MEIG1: variants seen among roughly 807,000 people sequenced by gnomAD.
The protein encoded by MEIG1 is meiosis expressed gene 1 protein homolog.
A neutral mutation model predicts 11.3 loss-of-function variants in MEIG1; 12 were observed. The ratio of observed to expected loss-of-function variants is 1.07; its 90% confidence interval spans 0.68 to 1.73. The LOEUF is 1.73. MEIG1 is among the 40% of genes most tolerant of loss of function. MEIG1 has a pLI of 0.00. For synonymous variants in MEIG1, 41 were observed against 33.2 expected, an observed-to-expected ratio of 1.24 and a Z score of -0.81; for missense variants, 119 against 104.9, an observed-to-expected ratio of 1.13 and a Z score of -0.59.
downstream of MEIG1, among the ~76,000 whole-genome samples, chr10:14,975,557 C>T (rs981311924): frequency 1.8e-4 from 27 of 151,548 alleles, no homozygotes; most frequent in African/African-American, 6.1e-4. Flanking sequence ...CCCCCCATAC[C>T]GCAGGAGGTG....
At chr10:14,958,851 G>A (rs1842977536), upstream of MEIG1, among the ~76,000 whole-genome samples, 1 of 151,916 alleles carries the variant, frequency 6.6e-6, no homozygotes. Context: ...AGCCGAGATA[G>A]CACCACTGCA....
chr10:14,957,570 C>G (rs992065103), upstream of MEIG1, among the ~76,000 whole-genome samples: 1 of 152,224 alleles, frequency 6.6e-6, no homozygotes, highest in African/African-American at 2.4e-5. Context: ...GGTTTTCACT[C>G]TCCATAAGAT....
At chr10:14,961,525 C>T (rs530172693) in intron 1 of MEIG1, among the ~76,000 whole-genome samples, 2 of 152,114 alleles carry the variant, frequency 1.3e-5, no homozygotes, top group African/African-American at 4.8e-5. Flanking sequence ...GGCTGGAGTG[C>T]AGTGGTGCGA....
Position 14,972,540 on chromosome 10 carries a change from G to GA in MEIG1, c.166_167insA (p.Val56AspfsTer21). On this transcript the variant is annotated frameshift_variant, in exon 3 of 3. Coordinates refer to ENST00000407572, the MANE Select transcript of MEIG1 (RefSeq NM_001080836.3). LOFTEE classifies it high-confidence loss of function. The stretch of plus-strand genomic sequence containing the variant: ...AGATCGTTGGCCGGAGACAGGATAT[G>GA]TGAAGAAACTTCAGAGAAGGGACAA... 6.2e-7 allele frequency: 1 copy of GA among 1,614,110 alleles called. No homozygotes were observed. Among genetic ancestry groups the GA allele is most frequent in the Non-Finnish European group, 8.5e-7 (1 of 1,179,976 alleles).
At chr10:14,977,459 G>A (rs554758052), downstream of MEIG1, among the ~76,000 whole-genome samples, 17 of 152,082 alleles carry the variant, frequency 1.1e-4, no homozygotes, top group African/African-American at 3.1e-4. Flanking sequence ...GATGTACACC[G>A]TGTGATATTG....
chr10:14,962,529 T>C (rs1335616359), intron 1 of MEIG1, among the ~76,000 whole-genome samples: 1 of 152,256 alleles, frequency 6.6e-6, no homozygotes, highest in Non-Finnish European at 1.5e-5. Flanking sequence ...CTATTAAATG[T>C]AGCATTTTTA....
At chr10:14,971,218 T>TAAA (rs1843145636) in intron 2 of MEIG1, among the ~76,000 whole-genome samples, 1 of 147,800 alleles carries the variant, frequency 6.8e-6, no homozygotes, top group African/African-American at 2.5e-5. Context: ...ATAATAATGA[T>TAAA]AATAATAATA....
intron 1 of MEIG1, among the ~76,000 whole-genome samples, chr10:14,963,052 G>T (rs1248379526): frequency 1.3e-5 from 2 of 150,368 alleles, no homozygotes; most frequent in South Asian, 4.2e-4. Flanking sequence ...GTGAGCCACC[G>T]TCCTGTCCTG....
At chr10:14,975,692 A>G (rs1231994697), downstream of MEIG1, among the ~76,000 whole-genome samples, 3 of 151,994 alleles carry the variant, frequency 2.0e-5, no homozygotes, top group South Asian at 2.1e-4. Context: ...GGGAGAGGAT[A>G]ACCCTACTCC....
At chr10:14,973,469 T>A (rs1027889817), downstream of MEIG1, among the ~76,000 whole-genome samples, 3 of 152,036 alleles carry the variant, frequency 2.0e-5, no homozygotes, top group Non-Finnish European at 1.5e-5. Flanking sequence ...TGGGAAGTAG[T>A]GATAGAAATC....
At chr10:14,960,897 C>T (rs1843005065) in intron 1 of MEIG1, among the ~76,000 whole-genome samples, 1 of 152,022 alleles carries the variant, frequency 6.6e-6, no homozygotes, top group South Asian at 2.1e-4. Context: ...GGCATGGTGG[C>T]GCATGCCTGT....
At position 14,967,468 on chromosome 10, in the gene MEIG1, T is replaced by G. The variant is rs200625594; in HGVS notation, c.138+862T>G. On this transcript the variant is annotated intron_variant, in intron 2 of 2. Coordinates refer to ENST00000407572, the MANE Select transcript of MEIG1 (RefSeq NM_001080836.3). ...TTGGCTCCCGTTTATACAGTGTGGT[T>G]CTTCTTAACTTATTTATTCTCTTGG... is the stretch of plus-strand genomic sequence containing the variant. Among the ~76,000 whole-genome samples the G allele has an allele frequency of 4.0e-5, 6 of 151,770 alleles. No homozygotes were observed. In the South Asian group the frequency reaches 6.2e-4, roughly 16 times the overall value.
chr10:14,982,064 T>C (rs997716541), intron 1 of MEIG1, among the ~76,000 whole-genome samples: 3 of 152,246 alleles, frequency 2.0e-5, no homozygotes, highest in East Asian at 1.9e-4. Context: ...CGCGCTTTGA[T>C]GGATTAAAGC....
At chr10:14,965,693 AGAGAGAGAGAGAGAGAGAGAGAGG>A (rs1217126533) in intron 1 of MEIG1, among the ~76,000 whole-genome samples, 3 of 86,730 alleles carry the variant, frequency 3.5e-5, no homozygotes, top group East Asian at 2.7e-4. Context: ...AGAGAGAGAG[AGAGAGAGAGAGAGAGAGAGAGAGG>A]TGCAGCTTTG....
Position 14,972,772 on chromosome 10 carries a change from C to T in MEIG1, c.*131C>T. Reference sequence around the variant, plus strand: ...TTTAATGTTTTGTGAAACACAAAAGCCATGAGAATTGGTATCTGCTAATCA... The same window carrying T: ...TTTAATGTTTTGTGAAACACAAAAGTCATGAGAATTGGTATCTGCTAATCA... On this transcript the variant is annotated 3_prime_UTR_variant, in exon 3 of 3. Coordinates refer to ENST00000407572, the MANE Select transcript of MEIG1 (RefSeq NM_001080836.3). The T allele has an allele frequency of 1.1e-6, 1 of 887,206 alleles. No individual in the cohort carries two copies. Among genetic ancestry groups the T allele is most frequent in the South Asian group, 1.8e-5 (1 of 55,154 alleles). The allele number at this position is 887,206 out of a possible 1,614,324, so 55.0% of individuals were successfully genotyped here.
intron 1 of MEIG1, among the ~76,000 whole-genome samples, chr10:14,986,087 G>A (rs971990679): frequency 3.3e-5 from 5 of 152,120 alleles, no homozygotes; most frequent in South Asian, 2.1e-4. Context: ...ATCCTAGGGA[G>A]GTATTAATTC....
chr10:14,970,034 G>A (rs1362089517), intron 2 of MEIG1, among the ~76,000 whole-genome samples: 2 of 152,190 alleles, frequency 1.3e-5, no homozygotes, highest in Non-Finnish European at 2.9e-5. Context: ...CCCCAGAGAG[G>A]GCTTAGTGTC....
chr10:14,978,634 G>A (rs564238785), intron 1 of MEIG1, among the ~76,000 whole-genome samples: 70 of 152,052 alleles, frequency 4.6e-4, no homozygotes, highest in African/African-American at 1.6e-3. Context: ...TGTTCGCTGC[G>A]ATAGTATTCG....
intron 1 of MEIG1, 91 bp from the exon 2 acceptor site, chr10:14,966,349 A>G: frequency 1.2e-6 from 1 of 842,384 alleles, no homozygotes; most frequent in Non-Finnish European, 1.7e-6. Context: ...GGTGTGAGCC[A>G]CCGCACCCGG....
Sources: allele counts gnomAD v4.1 joint callset (sites outside exome capture counted in the v4.1 genomes callset), GRCh38; gene constraint gnomAD v4.1.1; transcripts MANE v1.5; gene names NCBI Gene and HGNC (gene_info 2026-07-23, HGNC 2026-07-21).